The following NUP214 variants were observed in gnomAD, a reference collection of about 807,000 sequenced individuals.
NUP214 encodes the protein nucleoporin 214.
Under a neutral mutation model 196.2 loss-of-function variants are expected in NUP214, and 79 were observed. The observed-to-expected ratio is 0.40, with a 90% confidence interval of 0.34 to 0.49. NUP214 has a LOEUF of 0.49. Among genes scored for constraint, NUP214 ranks in the 20% least tolerant of loss-of-function variants. The pLI, the probability that NUP214 is intolerant of heterozygous loss-of-function variation, is 0.58. For missense variants in NUP214, 2,468 were observed against 2,539.0 expected, an observed-to-expected ratio of 0.97 and a Z score of 0.60; for synonymous variants, 1,020 against 990.5, an observed-to-expected ratio of 1.03 and a Z score of -0.56.
rs772875756 is a variant in NUP214, at chr9:131,230,631, T to TCCA, written c.6076_6077insCCA (p.Phe2026delinsSerIle). ...AGTCTGTTTCTCACTGGAGCGCAGG[T>TCCA]TTGGGAGCAGCAGCAACACCACATC... On this transcript the variant is annotated protein_altering_variant and splice_region_variant, in exon 34 of 36. Transcript: ENST00000359428. 1 of 1,613,844 alleles carries TCCA rather than the reference T, an allele frequency of 6.2e-7. No homozygotes were observed.
chr9:131,192,353 A>G (rs1833631148), intron 27 of NUP214, 61 bp downstream of exon 27: 1 of 960,366 alleles, frequency 1.0e-6, no homozygotes, highest in African/African-American at 1.7e-5. Flanking sequence ...CAAATCTTAC[A>G]ATTATAGATA....
chr9:131,130,879 C>A, intron 5 of NUP214, 43 bp downstream of exon 5: 2 of 1,541,674 alleles, frequency 1.3e-6, no homozygotes, highest in South Asian at 1.1e-5. Context: ...TTAAGTTGCC[C>A]ACTTTTTTGG....
intron 4 of NUP214, among the ~76,000 whole-genome samples, chr9:131,129,899 G>A (rs542157059): frequency 2.6e-5 from 4 of 152,114 alleles, no homozygotes; most frequent in African/African-American, 7.2e-5. Flanking sequence ...CACTGTGCCC[G>A]GCTGAGAGTA....
At position 131,230,613 on chromosome 9, in the gene NUP214, T is replaced by C. The variant is rs778443855; in HGVS notation, c.6075-17T>C. 14 of 1,613,574 alleles carry C rather than the reference T, an allele frequency of 8.7e-6. No homozygotes were observed. In the Admixed American group the frequency reaches 2.3e-4, roughly 27 times the overall value. On this transcript the variant is annotated splice_polypyrimidine_tract_variant and intron_variant, in intron 33 of 35. Coordinates refer to ENST00000359428, the MANE Select transcript of NUP214 (RefSeq NM_005085.4). Reference sequence around the variant, plus strand: ...AGAGGCCCCACTGACCTCAGTCTGTTTCTCACTGGAGCGCAGGTTTGGGAG... The same window carrying C: ...AGAGGCCCCACTGACCTCAGTCTGTCTCTCACTGGAGCGCAGGTTTGGGAG...
At chr9:131,223,724 T>TTTATTTA (rs1834635317) in intron 32 of NUP214, among the ~76,000 whole-genome samples, 1 of 18,566 alleles carries the variant, frequency 5.4e-5, no homozygotes, top group Non-Finnish European at 1.4e-4. Flanking sequence ...TATTTATTTA[T>TTTATTTA]TTATTTTTTT....
intron 30 of NUP214, among the ~76,000 whole-genome samples, chr9:131,212,130 C>T (rs575159419): frequency 6.6e-6 from 1 of 152,290 alleles, no homozygotes; most frequent in South Asian, 2.1e-4. Flanking sequence ...AGGGATGAAA[C>T]AAGCCCCAGT....
chr9:131,206,209 G>A (rs554480627), intron 30 of NUP214, among the ~76,000 whole-genome samples: 24 of 138,476 alleles, frequency 1.7e-4, no homozygotes, highest in South Asian at 9.1e-4. Context: ...GCAGTGATGC[G>A]ATCTCCACTC....
At position 131,215,127 on chromosome 9, in the gene NUP214, T is replaced by G; in HGVS notation, c.5593-85T>G. The stretch of plus-strand genomic sequence containing the variant: ...TTGCTTTTTCCATTTGTGCCAGCTG[T>G]GAGCACCTCCTGCCCACGGATGCAG... On this transcript the variant is annotated intron_variant, in intron 30 of 35. Transcript: ENST00000359428. The G allele has an allele frequency of 3.1e-6, 4 of 1,279,968 alleles. No homozygotes were observed. The Admixed American group carries it at 1.1e-4, about 36-fold the overall frequency. 79.3% of individuals were successfully genotyped at this position (1,279,968 alleles called of 1,614,324 possible). A position where few individuals can be genotyped will look rare whatever the true frequency, so the allele number is the denominator to read the frequency against.
At chr9:131,207,242 G>A (rs1356529526) in intron 30 of NUP214, among the ~76,000 whole-genome samples, 3 of 152,216 alleles carry the variant, frequency 2.0e-5, no homozygotes, top group Non-Finnish European at 4.4e-5. Flanking sequence ...CTAGTAGCCT[G>A]CAACAGCTAC....
At chr9:131,137,169 C>G (rs917677862) in intron 9 of NUP214, among the ~76,000 whole-genome samples, 1 of 152,174 alleles carries the variant, frequency 6.6e-6, no homozygotes, top group Admixed American at 6.5e-5. Context: ...CATATGTTCA[C>G]ACATTAAAAA....
chr9:131,127,331 C>CAAG (rs1423627048), intron 1 of NUP214, among the ~76,000 whole-genome samples, 193 bp from the exon 2 acceptor site: 1 of 152,048 alleles, frequency 6.6e-6, no homozygotes, highest in Non-Finnish European at 1.5e-5. Context: ...TGCAGTGAGC[C>CAAG]AAGATCGCTG....
intron 28 of NUP214, 22 bp from the exon 29 acceptor site, chr9:131,197,194 T>G: frequency 6.2e-7 from 1 of 1,606,950 alleles, no homozygotes; most frequent in Non-Finnish European, 8.5e-7. Context: ...CAACCCATTT[T>G]CTGATTTCTT....
chr9:131,174,160 G>A lies in NUP214; in HGVS notation c.2999G>A (p.Arg1000Gln), dbSNP rs777141244. 14 of 1,613,788 alleles carry A rather than the reference G, an allele frequency of 8.7e-6. No individual in the cohort carries two copies. The highest frequency in any genetic ancestry group is 2.2e-5 in the East Asian group (1 of 44,860). ...CAGTCTCTGGAGAGTGAAGATGCAC[G>A]GACGTCCTGTAAAGATGACGAGGCA... is the stretch of plus-strand genomic sequence containing the variant. Reference protein sequence around the residue: ...VSQSLESEDARTSCKDDEAVV... With the variant: ...VSQSLESEDAQTSCKDDEAVV... Residue 1000 changes from arginine to glutamine, a missense_variant, in exon 22 of 36, where the codon CGG becomes CAG. Physicochemically the swap from Arg to Gln is conservative, Grantham distance 43. Transcript: ENST00000359428.
At chr9:131,186,231 A>G (rs959349171) in intron 24 of NUP214, among the ~76,000 whole-genome samples, 3 of 152,174 alleles carry the variant, frequency 2.0e-5, no homozygotes, top group African/African-American at 4.8e-5. Context: ...AGAGAGATGC[A>G]TATTTATAGC....
intron 24 of NUP214, among the ~76,000 whole-genome samples, chr9:131,182,990 C>G (rs940032165): frequency 6.6e-6 from 1 of 152,204 alleles, no homozygotes; most frequent in African/African-American, 2.4e-5. Flanking sequence ...CAGCAGTATT[C>G]TATTTTCTCC....
intron 14 of NUP214, among the ~76,000 whole-genome samples, chr9:131,149,747 G>A (rs984381285): frequency 3.9e-5 from 6 of 152,046 alleles, no homozygotes; most frequent in Admixed American, 2.6e-4. Flanking sequence ...AAACTCCTTG[G>A]TGTGACCTTA....
chr9:131,179,334 C>T (rs952550791), intron 24 of NUP214, among the ~76,000 whole-genome samples: 1 of 152,192 alleles, frequency 6.6e-6, no homozygotes, highest in Non-Finnish European at 1.5e-5. Context: ...CATCTGTGTT[C>T]GGAATTCAGG....
At chr9:131,214,523 A>C (rs184275914) in intron 30 of NUP214, among the ~76,000 whole-genome samples, 1 of 152,186 alleles carries the variant, frequency 6.6e-6, no homozygotes, top group Non-Finnish European at 1.5e-5. Flanking sequence ...AACTAAGGTG[A>C]ATGGCCCCTC....
chr9:131,127,798 T>C, intron 2 of NUP214, 79 bp downstream of exon 2: 1 of 1,052,542 alleles, frequency 9.5e-7, no homozygotes, highest in Non-Finnish European at 1.4e-6. Flanking sequence ...CAAGAAGTCA[T>C]TCTAATACTA....
Sources: gnomAD v4.1 joint callset for allele counts (sites outside exome capture counted in the v4.1 genomes callset) on GRCh38, gnomAD v4.1.1 for gene constraint, MANE v1.5 for transcripts, NCBI Gene and HGNC (gene_info 2026-07-23, HGNC 2026-07-21) for gene names.